DGCR2: variants seen among roughly 807,000 people sequenced by gnomAD.
The protein encoded by DGCR2 is DiGeorge syndrome critical region gene 2.
In DGCR2, 24 loss-of-function variants were observed where a neutral mutation model predicts 51.6. The observed-to-expected ratio is 0.47, with a 90% CI of 0.34 to 0.65. The LOEUF is 0.65. Ranked by LOEUF, DGCR2 falls within the 30% of genes least tolerant of loss-of-function variation. The probability of loss-of-function intolerance (pLI) is 0.01; values close to 1 mark genes in which losing one functional copy is unlikely to be tolerated. For synonymous variants in DGCR2, 340 were observed against 315.4 expected, an observed-to-expected ratio of 1.08 and a Z score of -0.82; for missense variants, 765 against 772.1, an observed-to-expected ratio of 0.99 and a Z score of 0.11.
At position 19,064,924 on chromosome 22, in the gene DGCR2, C is replaced by A. The variant is rs745998274; in HGVS notation, c.472G>T (p.Asp158Tyr). The A allele has an allele frequency of 1.2e-5, 19 of 1,614,012 alleles. No homozygotes were observed. The highest frequency in any genetic ancestry group is 1.6e-5 in the Non-Finnish European group (19 of 1,180,040). The change falls in exon 4 of 10, where the codon GAC (aspartate) becomes TAC (tyrosine). Residue 158 changes from aspartate to tyrosine, a missense_variant. Transcript: ENST00000263196. ...GCCAGGACAAAGCGCAGCTCCTGGT[C>A]AGTGGAGAAGGTGGCGAGAGAGCCA... Reference protein sequence around the residue: ...LNGSLATFSTDQELRFVLAQE... With the variant: ...LNGSLATFSTYQELRFVLAQE...
In DGCR2 at chr22:19,062,568, G is replaced by A. The variant is rs188403563; in HGVS notation, c.625+634C>T. Among the ~76,000 whole-genome samples, 278 of 152,302 alleles carry A rather than the reference G, an allele frequency of 1.8e-3. 2 individuals are homozygous for A. Among genetic ancestry groups the A allele is most frequent in the Admixed American group, 3.7e-3 (57 of 15,294 alleles). On this transcript the variant is annotated intron_variant, in intron 5 of 9. Transcript: ENST00000263196. ...AACAGACAGGGAAGGGGCAGGGCAA[G>A]GGAGTGTGACCCTGGCGGCAGCTGG...
chr22:19,049,802 G>A (rs1275098196), intron 6 of DGCR2, among the ~76,000 whole-genome samples: 1 of 148,934 alleles, frequency 6.7e-6, no homozygotes, highest in Non-Finnish European at 1.5e-5. Context: ...ACTCCAGCCT[G>A]GGCGACAGCA....
chr22:19,065,098 G>T (rs1273098978), intron 3 of DGCR2, 31 bp from the exon 4 acceptor site: 2 of 1,596,862 alleles, frequency 1.3e-6, no homozygotes, highest in Non-Finnish European at 1.7e-6. Flanking sequence ...TGTCCCCCAA[G>T]TTAGGATCCA....
At chr22:19,089,276 A>C (rs926848542) in intron 2 of DGCR2, 92 bp downstream of exon 2, 1 of 1,376,886 alleles carries the variant, frequency 7.3e-7, no homozygotes, top group South Asian at 1.6e-5. Context: ...GTGTTAAGAC[A>C]GCACACACCT....
At chr22:19,082,064 GT>G (rs544889246) in intron 2 of DGCR2, among the ~76,000 whole-genome samples, 48 of 103,786 alleles carry the variant, frequency 4.6e-4, no homozygotes, top group Non-Finnish European at 6.1e-4. Flanking sequence ...GGTTTTTTTT[GT>G]TTTTTTTTTT....
intron 2 of DGCR2, among the ~76,000 whole-genome samples, chr22:19,069,020 AC>A (rs1266974926): frequency 6.6e-6 from 1 of 152,198 alleles, no homozygotes; most frequent in African/African-American, 2.4e-5. Context: ...GGAGTGACTT[AC>A]CCAAGGCCAT....
intron 2 of DGCR2, among the ~76,000 whole-genome samples, chr22:19,076,782 G>GT (rs975178785): frequency 2.3e-5 from 3 of 132,238 alleles, no homozygotes; most frequent in African/African-American, 8.9e-5. Context: ...CCAGTCTGGA[G>GT]TGCAGTGGTG....
chr22:19,087,752 T>G (rs1031094272), intron 2 of DGCR2, among the ~76,000 whole-genome samples: 1 of 150,418 alleles, frequency 6.6e-6, no homozygotes, highest in Non-Finnish European at 1.5e-5. Context: ...TGGCACAATC[T>G]TGACTCACTG....
chr22:19,106,844 T>C (rs780384524), intron 1 of DGCR2, among the ~76,000 whole-genome samples: 1 of 151,896 alleles, frequency 6.6e-6, no homozygotes, highest in Non-Finnish European at 1.5e-5. Context: ...CTCTGCATTC[T>C]GACTCCCTAG....
At chr22:19,062,799 T>TCCTCTCTCTC (rs1428638596) in intron 5 of DGCR2, among the ~76,000 whole-genome samples, 1 of 148,922 alleles carries the variant, frequency 6.7e-6, no homozygotes, top group Non-Finnish European at 1.5e-5. Context: ...TCTCTCTCTC[T>TCCTCTCTCTC]CTCTCTCTAT....
At position 19,063,124 on chromosome 22, in the gene DGCR2, T is replaced by G; in HGVS notation, c.625+78A>C. Reference sequence around the variant, plus strand: ...CCCCTACGGGCCAGGCAGCACTGGGTAAGAGGGAGGAGGGGAGGCCCCGAA... The same window carrying G: ...CCCCTACGGGCCAGGCAGCACTGGGGAAGAGGGAGGAGGGGAGGCCCCGAA... On this transcript the variant is annotated intron_variant, in intron 5 of 9. Coordinates refer to ENST00000263196, the MANE Select transcript of DGCR2 (RefSeq NM_005137.3). 4 of 1,381,904 alleles carry G rather than the reference T, an allele frequency of 2.9e-6. No homozygotes were observed. The Admixed American group carries it at 6.9e-5, about 24-fold the overall frequency. The allele number at this position is 1,381,904 out of a possible 1,614,324, so 85.6% of individuals were successfully genotyped here.
intron 5 of DGCR2, chr22:19,061,818 T>C (rs2145961268): frequency 6.6e-6 from 1 of 152,272 alleles, no homozygotes; most frequent in East Asian, 1.9e-4. Flanking sequence ...CCCTTGCACG[T>C]TGAGCCACAC....
At chr22:19,062,779 A>ATATT in intron 5 of DGCR2, among the ~76,000 whole-genome samples, 1 of 127,352 alleles carries the variant, frequency 7.9e-6, no homozygotes. Flanking sequence ...ATGCATGCTC[A>ATATT]CTCTCTCTCT....
chr22:19,121,068 TGTATCTGGGC>T (rs980421756), intron 1 of DGCR2, among the ~76,000 whole-genome samples: 23 of 152,112 alleles, frequency 1.5e-4, no homozygotes, highest in African/African-American at 5.6e-4. Flanking sequence ...AGAGGTGCGG[TGTATCTGGGC>T]TGGGAGCCTG....
rs1432428671 is a variant in DGCR2 at position 19,068,160 on chromosome 22, T to C, written c.268A>G (p.Arg90Gly). Residue 90 changes from arginine to glycine, a missense_variant, in exon 3 of 10, where the codon AGA (arginine) becomes GGA (glycine). Around this residue, in one of 3 missense-constraint regions of DGCR2, gnomAD observed 370 missense variants for 325.5 expected, o/e 1.14. Transcript: ENST00000263196. ...EAVDPRQGRA[R>G]GGDPSHFHAV... ...TGGAAGTGCGAAGGGTCGCCTCCTCTGGCCCGCCCCTGCCGCGGATCCACA... is the reference window on the plus strand; with the variant it reads ...TGGAAGTGCGAAGGGTCGCCTCCTCCGGCCCGCCCCTGCCGCGGATCCACA... The C allele has an allele frequency of 1.9e-6, 3 of 1,611,398 alleles. No homozygotes were observed. The highest frequency in any genetic ancestry group is 2.5e-6 in the Non-Finnish European group (3 of 1,179,280).
intron 1 of DGCR2, among the ~76,000 whole-genome samples, chr22:19,120,793 T>G (rs1207756546): frequency 1.3e-5 from 2 of 152,188 alleles, no homozygotes; most frequent in Admixed American, 1.3e-4. Context: ...ACAAACCCAT[T>G]GGTTCTGACC....
Position 19,107,378 on chromosome 22 carries a change from C to A in DGCR2, c.79+14750G>T, listed in dbSNP as rs557541412. 3.9e-5 allele frequency among the ~76,000 whole-genome samples: 6 copies of A among 152,322 alleles called. No individual in the cohort carries two copies. The East Asian group carries it at 7.7e-4, about 20-fold the overall frequency. On this transcript the variant is annotated intron_variant, in intron 1 of 9. Coordinates refer to ENST00000263196, the MANE Select transcript of DGCR2 (RefSeq NM_005137.3). ...GTCACAACACTGACACTGGGGAACA[C>A]CACACAAGAACAAAGGGACAAGGCC...
rs2082391974 is a variant in DGCR2, at chr22:19,038,236, CTCAGGGCT to C, written c.*621_*628del. 1 of 153,210 alleles carries C rather than the reference CTCAGGGCT, an allele frequency of 6.5e-6. No individual in the cohort carries two copies. Among genetic ancestry groups the C allele is most frequent in the South Asian group, 2.0e-4 (1 of 4,890 alleles). The allele number at this position is 153,210 out of a possible 1,614,324, so 9.5% of individuals were successfully genotyped here. ...CTCAACCTCCTTCCAAGCTCTCCTT[CTCAGGGCT>C]TCAGGTTCCAGAGCCCCAGGGGAGC... On this transcript the variant is annotated 3_prime_UTR_variant, in exon 10 of 10. Transcript: ENST00000263196.
intron 5 of DGCR2, among the ~76,000 whole-genome samples, chr22:19,062,751 C>T (rs1177404650): frequency 1.4e-5 from 2 of 139,930 alleles, no homozygotes; most frequent in Non-Finnish European, 3.2e-5. Context: ...CGCATAAAAT[C>T]TTTGCGCACA....
Sources: allele counts gnomAD v4.1 joint callset (sites outside exome capture counted in the v4.1 genomes callset), GRCh38; gene constraint gnomAD v4.1.1; regional missense constraint gnomAD v4.1.1; transcripts MANE v1.5; gene names NCBI Gene and HGNC (gene_info 2026-07-23, HGNC 2026-07-21).